NTNG2: variants seen among roughly 807,000 people sequenced by gnomAD.
The protein encoded by NTNG2 is netrin-G2.
NTNG2 carries 15 observed loss-of-function variants against 47.6 expected under a neutral mutation model. That is an observed-to-expected ratio of 0.32 (90% CI 0.21 to 0.49). The LOEUF (loss-of-function observed/expected upper bound fraction) is 0.49, where lower values mean the gene tolerates loss of function less well. Among genes scored for constraint, NTNG2 ranks in the 20% least tolerant of loss-of-function variants. The probability of loss-of-function intolerance (pLI) is 0.99; values close to 1 mark genes in which losing one functional copy is unlikely to be tolerated. For missense variants in NTNG2, 578 were observed against 764.6 expected (o/e 0.76, Z 2.88); for synonymous variants, 307 against 324.6 (o/e 0.95, Z 0.58).
intron 2 of NTNG2, among the ~76,000 whole-genome samples, chr9:132,190,249 AAAAAAAAAAAAAG>A (rs1837777593): frequency 6.7e-6 from 1 of 150,154 alleles, no homozygotes; most frequent in Admixed American, 6.6e-5. Context: ...AAAAAAAAAA[AAAAAAAAAAAAAG>A]AAGGTTTTAG....
chr9:132,223,783 G>T (rs148321316), intron 3 of NTNG2, among the ~76,000 whole-genome samples: 1 of 152,152 alleles, frequency 6.6e-6, no homozygotes, highest in Non-Finnish European at 1.5e-5. Flanking sequence ...CCAGGCTTTT[G>T]TCTCCCAGAC....
Position 132,239,253 on chromosome 9 carries a change from G to A in NTNG2, c.1204G>A (p.Asp402Asn). The A allele has an allele frequency of 6.2e-7, 1 of 1,613,632 alleles. No individual in the cohort carries two copies. Among genetic ancestry groups the A allele is most frequent in the African/African-American group, 1.3e-5 (1 of 75,070 alleles). ...CCGCAACGGCTCGGCAGAGCTGGAT[G>A]ATGAGAACGTCTGCATTGGTGAGAG... ...YYRNGSAELDDENVCIECNCN... is the reference protein window; with the variant it reads ...YYRNGSAELDNENVCIECNCN... Residue 402 changes from aspartate (D) to asparagine (N), a missense_variant, in exon 6 of 8, where the codon GAT (aspartate) becomes AAT (asparagine). Transcript: ENST00000393229.
chr9:132,219,873 G>C, intron 3 of NTNG2, among the ~76,000 whole-genome samples: 1 of 152,200 alleles, frequency 6.6e-6, no homozygotes, highest in East Asian at 1.9e-4. Flanking sequence ...TACCTAGGTA[G>C]AATTACTGGG....
intron 5 of NTNG2, 130 bp downstream of exon 5, chr9:132,230,725 C>A: frequency 1.1e-6 from 1 of 880,590 alleles, no homozygotes; most frequent in Non-Finnish European, 1.8e-6. Context: ...TCACTCCCTC[C>A]TCTAATTACA....
chr9:132,212,313 C>G (rs1488075427), intron 3 of NTNG2, among the ~76,000 whole-genome samples: 1 of 152,206 alleles, frequency 6.6e-6, no homozygotes, highest in Non-Finnish European at 1.5e-5. Flanking sequence ...AAGCCGCACA[C>G]CCAAGCCTCC....
Position 132,166,761 on chromosome 9 carries a change from C to A in NTNG2, c.-71C>A. 2 of 1,465,686 alleles carry A rather than the reference C, an allele frequency of 1.4e-6. No individual in the cohort carries two copies. The highest frequency in any genetic ancestry group is 2.3e-4 in the Middle Eastern group (1 of 4,270). The allele number at this position is 1,465,686 out of a possible 1,614,324, so 90.8% of individuals were successfully genotyped here. ...ATGTGGCATTTCCATGCTGAGGCCGCGAGTCCCGCCTGACCCCGTCGCTGC... is the reference window on the plus strand; with the variant it reads ...ATGTGGCATTTCCATGCTGAGGCCGAGAGTCCCGCCTGACCCCGTCGCTGC... On this transcript the variant is annotated 5_prime_UTR_variant, in exon 2 of 8. Transcript: ENST00000393229.
At chr9:132,171,812 A>T (rs1173915892) in intron 2 of NTNG2, among the ~76,000 whole-genome samples, 1 of 152,162 alleles carries the variant, frequency 6.6e-6, no homozygotes, top group Non-Finnish European at 1.5e-5. Context: ...TCCATCCAAC[A>T]ATGCAGAGCT....
At chr9:132,210,689 G>A (rs1839528244) in intron 3 of NTNG2, among the ~76,000 whole-genome samples, 2 of 152,208 alleles carry the variant, frequency 1.3e-5, no homozygotes, top group African/African-American at 4.8e-5. Context: ...GGGCAGGACA[G>A]ATGGGGTTGG....
At chr9:132,185,121 G>A (rs998577445) in intron 2 of NTNG2, among the ~76,000 whole-genome samples, 10 of 152,172 alleles carry the variant, frequency 6.6e-5, no homozygotes, top group East Asian at 1.9e-4. Context: ...CAACCAAGGC[G>A]GGGCAGGGGA....
At position 132,242,223 on chromosome 9, in the gene NTNG2, A is replaced by G. The variant is rs1054732066; in HGVS notation, c.*112A>G. 1.7e-5 allele frequency: 6 copies of G among 351,810 alleles called. No homozygotes were observed. Among genetic ancestry groups the G allele is most frequent in the African/African-American group, 4.4e-5 (2 of 44,952 alleles). 21.8% of individuals were successfully genotyped at this position (351,810 alleles called of 1,614,324 possible). ...GAAGGGTGCGGCCCGAGGTGCTCCC[A>G]GGTGCTACTCAGCAGGGCCCCCCGC... is the stretch of plus-strand genomic sequence containing the variant. On this transcript the variant is annotated 3_prime_UTR_variant, in exon 8 of 8. Coordinates refer to ENST00000393229, the MANE Select transcript of NTNG2 (RefSeq NM_032536.4). The surrounding 1 kb of genome is among the most constrained non-coding windows in gnomAD (Gnocchi z 5.9).
Position 132,166,471 on chromosome 9 carries a change from C to A in NTNG2, c.-361C>A. On this transcript the variant is annotated 5_prime_UTR_variant, in exon 2 of 8. It introduces an in-frame stop codon into an upstream open reading frame of the 5' UTR. Coordinates refer to ENST00000393229, the MANE Select transcript of NTNG2 (RefSeq NM_032536.4). Reference sequence around the variant, plus strand: ...GATCCAGCCTCATGCAGGATCCCTGCGGATTTTCTCCTTATCCCATTTCCA... The same window carrying A: ...GATCCAGCCTCATGCAGGATCCCTGAGGATTTTCTCCTTATCCCATTTCCA... The A allele has an allele frequency of 6.4e-6, 2 of 311,742 alleles. No homozygotes were observed. The highest frequency in any genetic ancestry group is 7.0e-5 in the South Asian group (2 of 28,670). The allele number at this position is 311,742 out of a possible 1,614,324, so 19.3% of individuals were successfully genotyped here. A position where few individuals can be genotyped will look rare whatever the true frequency, so the allele number is the denominator to read the frequency against.
At chr9:132,186,730 C>G (rs1045558350) in intron 2 of NTNG2, among the ~76,000 whole-genome samples, 2 of 152,264 alleles carry the variant, frequency 1.3e-5, no homozygotes, top group African/African-American at 4.8e-5. Context: ...GGAACAGCAT[C>G]CCCAAAGCGG....
At position 132,215,852 on chromosome 9, in the gene NTNG2, C is replaced by T. The variant is rs1037687160; in HGVS notation, c.858-10997C>T. Among the ~76,000 whole-genome samples, 3 of 152,102 alleles carry T rather than the reference C, an allele frequency of 2.0e-5. No homozygotes were observed. Among genetic ancestry groups the T allele is most frequent in the Non-Finnish European group, 4.4e-5 (3 of 68,014 alleles). ...CTGGGAGCCCATGTACTCTCATCTC[C>T]GTCCCTCCCTCTATCACCTGTTGGC... On this transcript the variant is annotated intron_variant, in intron 3 of 7. Coordinates refer to ENST00000393229, the MANE Select transcript of NTNG2 (RefSeq NM_032536.4). This position sits in a 1 kb window ranked among gnomAD's most constrained non-coding sequence, Gnocchi z 4.2.
intron 3 of NTNG2, among the ~76,000 whole-genome samples, chr9:132,220,335 AT>A (rs1347996634): frequency 6.6e-6 from 1 of 151,896 alleles, no homozygotes; most frequent in African/African-American, 2.4e-5. Flanking sequence ...GTACAAAAAT[AT>A]TTAGTTTTGA....
chr9:132,198,557 G>C lies in NTNG2; in HGVS notation c.805G>C (p.Glu269Gln), dbSNP rs756995312. The C allele has an allele frequency of 1.2e-6, 2 of 1,613,066 alleles. No individual in the cohort carries two copies. The highest frequency in any genetic ancestry group is 1.7e-6 in the Non-Finnish European group (2 of 1,179,960). Residue 269 changes from glutamate to glutamine, a missense_variant, in exon 3 of 8, where the codon GAG becomes CAG. By Grantham distance (29) the Glu-to-Gln change is conservative. Transcript: ENST00000393229. ...GCTGGGCGGCACCTATGTGCAGCGG[G>C]AGAACCTCTACAAGTACTTCTACGC... Reference protein sequence around the residue: ...PALGGTYVQRENLYKYFYAIS... With the variant: ...PALGGTYVQRQNLYKYFYAIS...
chr9:132,203,976 T>C (rs1838977402), intron 3 of NTNG2, among the ~76,000 whole-genome samples: 1 of 152,156 alleles, frequency 6.6e-6, no homozygotes, highest in Non-Finnish European at 1.5e-5. Context: ...TGGGAGATGA[T>C]GAAGGGAGGT....
rs568691316 is a variant in NTNG2, at chr9:132,221,601, G to C, written c.858-5248G>C. Among the ~76,000 whole-genome samples the C allele has an allele frequency of 6.6e-6, 1 of 152,338 alleles. No homozygotes were observed. The highest frequency in any genetic ancestry group is 1.5e-5 in the Non-Finnish European group (1 of 68,034). On this transcript the variant is annotated intron_variant, in intron 3 of 7. Transcript: ENST00000393229. This position sits in a 1 kb window ranked among gnomAD's most constrained non-coding sequence, Gnocchi z 4.2. ...CTTTGGAAGAGGAGGCACTGTGCTT[G>C]TTCTGGGGCTCAGCCAGCGAGTTGA... is the stretch of plus-strand genomic sequence containing the variant.
chr9:132,188,756 C>A (rs544654072), intron 2 of NTNG2, among the ~76,000 whole-genome samples: 1 of 152,324 alleles, frequency 6.6e-6, no homozygotes, highest in Non-Finnish European at 1.5e-5. Flanking sequence ...CACCTGGCAT[C>A]ATTCCTATGA....
chr9:132,197,819 C>G lies in NTNG2; in HGVS notation c.214-147C>G, dbSNP rs1481969498. On this transcript the variant is annotated intron_variant, in intron 2 of 7. Transcript: ENST00000393229. This position sits in a 1 kb window ranked among gnomAD's most constrained non-coding sequence, Gnocchi z 4.3. ...CATTGAGGAAATGGGCACAAATCTCCCAGCTGTGTCTGGGCACCGGAGCAC... is the reference window on the plus strand; with the variant it reads ...CATTGAGGAAATGGGCACAAATCTCGCAGCTGTGTCTGGGCACCGGAGCAC... 2.8e-6 allele frequency: 2 copies of G among 721,632 alleles called. No individual in the cohort carries two copies. Among genetic ancestry groups the G allele is most frequent in the Non-Finnish European group, 4.5e-6 (2 of 446,730 alleles). 44.7% of individuals were successfully genotyped at this position (721,632 alleles called of 1,614,324 possible).
Sources: gnomAD v4.1 joint callset for allele counts (sites outside exome capture counted in the v4.1 genomes callset) on GRCh38, gnomAD v4.1.1 for gene constraint, Gnocchi (gnomAD v3.1) non-coding constraint, MANE v1.5 for transcripts, NCBI Gene and HGNC (gene_info 2026-07-23, HGNC 2026-07-21) for gene names.